Variants in CPVL observed in about 807,000 individuals in gnomAD.
CPVL encodes the protein carboxypeptidase vitellogenic like.
In CPVL, 51 loss-of-function variants were observed where a neutral mutation model predicts 63.7. The ratio of observed to expected loss-of-function variants is 0.80; its 90% CI spans 0.64 to 1.01. The LOEUF (loss-of-function observed/expected upper bound fraction) is 1.01, where lower values mean the gene tolerates loss of function less well. Ranked by LOEUF, CPVL falls within the 50% of genes least tolerant of loss-of-function variation. The pLI is 0.00. For missense variants in CPVL, 530 were observed against 573.1 expected, an observed-to-expected ratio of 0.92 and a Z score of 0.77; for synonymous variants, 195 against 206.0, an observed-to-expected ratio of 0.95 and a Z score of 0.46.
In CPVL at chr7:29,112,827, TG is replaced by T. The variant is rs747063594; in HGVS notation, c.170-6del. ...CGACCAAACTCAATTCTCTTCCTAGTGGGGGAAAAAAAATTTACCCAAGGAT... is the reference window on the plus strand; with the variant it reads ...CGACCAAACTCAATTCTCTTCCTAGTGGGGAAAAAAAATTTACCCAAGGAT... On this transcript the variant is annotated splice_polypyrimidine_tract_variant and splice_region_variant and intron_variant, in intron 2 of 12. Transcript: ENST00000265394. 1.2e-4 allele frequency: 197 copies of T among 1,596,924 alleles called. 1 individual carries two copies. In the African/African-American group the frequency reaches 2.4e-3, roughly 20 times the overall value.
intron 2 of CPVL, among the ~76,000 whole-genome samples, chr7:29,114,776 C>T (rs560138630): frequency 6.6e-6 from 1 of 152,304 alleles, no homozygotes; most frequent in African/African-American, 2.4e-5. Context: ...TCAGTTTCTC[C>T]TCTATGGAAG....
At chr7:29,173,949 C>T (rs192338093) in intron 5 of CPVL, among the ~76,000 whole-genome samples, 1 of 115,818 alleles carries the variant, frequency 8.6e-6, no homozygotes, top group Non-Finnish European at 1.8e-5. Context: ...GAGACTGACT[C>T]AAAAAAAAAA....
rs1258844486 is a variant in CPVL at position 29,066,064 on chromosome 7, C to G, written c.922G>C (p.Val308Leu). 1.9e-6 allele frequency: 3 copies of G among 1,609,588 alleles called. No homozygotes were observed. The highest frequency in any genetic ancestry group is 8.5e-7 in the Non-Finnish European group (1 of 1,176,890). Residue 308 changes from valine to leucine, a missense_variant, in exon 10 of 13, where the codon GTT (valine) becomes CTT (leucine). Transcript: ENST00000265394. ...TTATAGTAATTACTACATCCTGTAA[C>G]ATTCTGGAAGTAAGAAGGATCACTT... ...LTSDPSYFQN[V>L]TGCSNYYNFL...
At position 29,130,810 on chromosome 7, in the gene CPVL, A is replaced by G. The variant is rs370812151; in HGVS notation, c.-10-9739T>C. ...CTGAATAAACTGGATTGTTTTGTCC[A>G]TTTGCAGAATTTATAGGTACTGAAA... is the stretch of plus-strand genomic sequence containing the variant. On this transcript the variant is annotated intron_variant, in intron 1 of 12. Coordinates refer to ENST00000265394, the MANE Select transcript of CPVL (RefSeq NM_031311.5). 5.9e-5 allele frequency among the ~76,000 whole-genome samples: 9 copies of G among 152,326 alleles called. No individual in the cohort carries two copies. The East Asian group carries it at 1.3e-3, about 23-fold the overall frequency.
chr7:29,032,046 G>C (rs1208228009), intron 11 of CPVL, among the ~76,000 whole-genome samples: 3 of 151,890 alleles, frequency 2.0e-5, no homozygotes, highest in African/African-American at 7.3e-5. Flanking sequence ...TTATCATAAA[G>C]TATTGCCACT....
rs143450715 is a variant in CPVL, at chr7:29,100,449, A to T, written c.289-4232T>A. Reference sequence around the variant, plus strand: ...GGCGGCGCCAAGGGTCTGAAGGTGGATGGAGAGTTTGCCCTCTAAATATCT... The same window carrying T: ...GGCGGCGCCAAGGGTCTGAAGGTGGTTGGAGAGTTTGCCCTCTAAATATCT... On this transcript the variant is annotated intron_variant, in intron 3 of 12. Coordinates refer to ENST00000265394, the MANE Select transcript of CPVL (RefSeq NM_031311.5). Among the ~76,000 whole-genome samples the T allele has an allele frequency of 7.3e-3, 1,113 of 152,216 alleles. 10 individuals are homozygous for T. The highest frequency in any genetic ancestry group is 0.025 in the African/African-American group (1,048 of 41,550).
intron 1 of CPVL, chr7:29,192,961 A>T (rs1783086665): frequency 6.6e-6 from 1 of 152,198 alleles, no homozygotes; most frequent in African/African-American, 2.4e-5. Context: ...GTTCCTTCTG[A>T]TCTGATCAAC....
intron 5 of CPVL, among the ~76,000 whole-genome samples, chr7:29,175,158 G>A (rs1369412387): frequency 6.6e-6 from 1 of 151,082 alleles, no homozygotes; most frequent in Non-Finnish European, 1.5e-5. Flanking sequence ...CATGAGATGT[G>A]ATGATTTCTT....
At chr7:29,140,410 G>A (rs1584379551) in intron 1 of CPVL, among the ~76,000 whole-genome samples, 1 of 152,168 alleles carries the variant, frequency 6.6e-6, no homozygotes, top group South Asian at 2.1e-4. Context: ...AAAACTTGTG[G>A]AGTAGTTAAA....
intron 5 of CPVL, among the ~76,000 whole-genome samples, chr7:29,168,404 A>G (rs748395645): frequency 2.0e-5 from 3 of 152,186 alleles, no homozygotes; most frequent in Admixed American, 6.6e-5. Flanking sequence ...TTTCAAGCAT[A>G]CAAAATAGAA....
At chr7:29,072,156 T>G in intron 8 of CPVL, 145 bp downstream of exon 8, 1 of 963,782 alleles carries the variant, frequency 1.0e-6, no homozygotes. Flanking sequence ...TTGAAACATT[T>G]GGTAAAAATT....
rs148238302 is a variant in CPVL, at chr7:29,089,311, A to G, written c.543-2761T>C. ...ATGATCATGCATTGTAGACCCAAAG[A>G]CAGCACTGGAATCTGGTCAGTTCTA... On this transcript the variant is annotated intron_variant, in intron 6 of 12. Coordinates refer to ENST00000265394, the MANE Select transcript of CPVL (RefSeq NM_031311.5). Among the ~76,000 whole-genome samples, 368 of 152,342 alleles carry G rather than the reference A, an allele frequency of 2.4e-3. 2 individuals carry two copies. The highest frequency in any genetic ancestry group is 8.2e-3 in the African/African-American group (340 of 41,574).
At chr7:29,155,121 T>C (rs1380205221) in intron 5 of CPVL, among the ~76,000 whole-genome samples, 1 of 151,712 alleles carries the variant, frequency 6.6e-6, no homozygotes, top group Non-Finnish European at 1.5e-5. Flanking sequence ...TCCCACCAGG[T>C]CCCTCCCACA....
In CPVL at chr7:29,059,551, C is replaced by T. The variant is rs12669670; in HGVS notation, c.1137+4510G>A. Among the ~76,000 whole-genome samples the T allele has an allele frequency of 1.5e-4, 23 of 152,228 alleles. No individual in the cohort carries two copies. In the East Asian group the frequency reaches 3.3e-3, roughly 22 times the overall value. On this transcript the variant is annotated intron_variant, in intron 11 of 12. Transcript: ENST00000265394. Reference sequence around the variant, plus strand: ...ATGCAAGACTGGTTTAACATAGGTACGTTAATCAAAGTGACACATCACAGA... The same window carrying T: ...ATGCAAGACTGGTTTAACATAGGTATGTTAATCAAAGTGACACATCACAGA...
At chr7:29,008,456 A>C (rs1237694039) in intron 12 of CPVL, among the ~76,000 whole-genome samples, 1 of 152,168 alleles carries the variant, frequency 6.6e-6, no homozygotes, top group African/African-American at 2.4e-5. Flanking sequence ...AAAGGAAAAA[A>C]CGTTTAAACG....
At chr7:29,095,010 T>A (rs1786247773) in intron 5 of CPVL, 74 bp downstream of exon 5, 1 of 1,033,900 alleles carries the variant, frequency 9.7e-7, no homozygotes, top group Admixed American at 2.0e-5. Context: ...TTTTTAAATG[T>A]ACTTAATAAA....
chr7:29,167,438 TTTGA>T (rs764473998), intron 5 of CPVL, among the ~76,000 whole-genome samples: 44 of 152,320 alleles, frequency 2.9e-4, no homozygotes, highest in Middle Eastern at 3.4e-3. Flanking sequence ...TTTTTGCTTG[TTTGA>T]TTCGCTGGTA....
At chr7:29,136,370 G>A (rs1791226661) in intron 1 of CPVL, among the ~76,000 whole-genome samples, 1 of 152,198 alleles carries the variant, frequency 6.6e-6, no homozygotes, top group South Asian at 2.1e-4. Flanking sequence ...TGGCTCAGCA[G>A]TGAGCATATT....
intron 3 of CPVL, among the ~76,000 whole-genome samples, chr7:29,098,263 G>A (rs1300904733): frequency 6.6e-6 from 1 of 152,174 alleles, no homozygotes; most frequent in Non-Finnish European, 1.5e-5. Context: ...AGACCTGCAG[G>A]AAGAGCTGAG....
Sources: gnomAD v4.1 joint callset for allele counts (sites outside exome capture counted in the v4.1 genomes callset) on GRCh38, gnomAD v4.1.1 for gene constraint, MANE v1.5 for transcripts, NCBI Gene and HGNC (gene_info 2026-07-23, HGNC 2026-07-21) for gene names.